The following PPFIBP2 variants were observed in gnomAD, a reference collection of about 807,000 sequenced individuals.
PPFIBP2 encodes liprin-beta-2.
Under a neutral mutation model 118.3 loss-of-function variants are expected in PPFIBP2, and 118 were observed. The ratio of observed to expected loss-of-function variants is 1.00; its 90% CI spans 0.86 to 1.16. The LOEUF (loss-of-function observed/expected upper bound fraction) is 1.16, where lower values mean the gene tolerates loss of function less well. PPFIBP2 is among the 50% of genes most tolerant of loss of function. The pLI is 0.00. For synonymous variants in PPFIBP2, 414 were observed against 397.4 expected (o/e 1.04, Z -0.50); for missense variants, 1,195 against 1,073.1 (o/e 1.11, Z -1.59).
intron 6 of PPFIBP2, among the ~76,000 whole-genome samples, chr11:7,619,976 C>T (rs1025866846): frequency 3.9e-5 from 6 of 152,190 alleles, no homozygotes; most frequent in African/African-American, 1.4e-4. Context: ...CTGATGGGAG[C>T]TAGTCAGCAG....
intron 5 of PPFIBP2, among the ~76,000 whole-genome samples, chr11:7,608,115 C>T (rs938867326): frequency 1.3e-5 from 2 of 152,132 alleles, no homozygotes; most frequent in African/African-American, 4.8e-5. Context: ...TGCTTAAGGC[C>T]CTTTGTGGCC....
rs750300048 is a variant in PPFIBP2 at position 7,650,976 on chromosome 11, C to T, written c.2247+11C>T. 4 of 1,611,528 alleles carry T rather than the reference C, an allele frequency of 2.5e-6. No homozygotes were observed. In the South Asian group the frequency reaches 4.4e-5, roughly 18 times the overall value. On this transcript the variant is annotated intron_variant, in intron 22 of 23. Coordinates refer to ENST00000299492, the MANE Select transcript of PPFIBP2 (RefSeq NM_003621.5). ...CATGGAGGCCTCATTGTGAGTGGCTCTCTGGCCTAGCCCACCTGCCTTGGT... is the reference window on the plus strand; with the variant it reads ...CATGGAGGCCTCATTGTGAGTGGCTTTCTGGCCTAGCCCACCTGCCTTGGT...
intron 14 of PPFIBP2, 37 bp from the exon 15 acceptor site, chr11:7,639,695 A>G (rs1362552975): frequency 6.2e-7 from 1 of 1,612,938 alleles, no homozygotes; most frequent in East Asian, 2.2e-5. Flanking sequence ...GCTGACAGTT[A>G]AGTCGGTATC....
chr11:7,528,247 T>A (rs1850392226), intron 1 of PPFIBP2, among the ~76,000 whole-genome samples: 1 of 152,184 alleles, frequency 6.6e-6, no homozygotes, highest in Admixed American at 6.5e-5. Flanking sequence ...CATGGCCAGA[T>A]AGTCACAAAG....
intron 3 of PPFIBP2, among the ~76,000 whole-genome samples, chr11:7,591,819 G>A (rs1195960555): frequency 6.6e-6 from 1 of 152,212 alleles, no homozygotes; most frequent in Admixed American, 6.5e-5. Flanking sequence ...TTTGAATGCG[G>A]TATGCTTGGT....
chr11:7,547,797 C>T (rs1852492752), intron 1 of PPFIBP2, among the ~76,000 whole-genome samples: 1 of 152,192 alleles, frequency 6.6e-6, no homozygotes, highest in Admixed American at 6.5e-5. Context: ...ACCCCCGAGG[C>T]TGAATGCCTG....
intron 1 of PPFIBP2, among the ~76,000 whole-genome samples, chr11:7,515,196 C>A (rs1415307736): frequency 6.6e-6 from 1 of 152,176 alleles, no homozygotes; most frequent in Admixed American, 6.5e-5. Context: ...TGCTTAAATT[C>A]ATAGCTAAAT....
the PPFIBP2 span, chr11:7,667,180 T>C: frequency 6.6e-6 from 1 of 152,210 alleles, no homozygotes; most frequent in African/African-American, 2.4e-5. Context: ...TAATCAAGCG[T>C]AGGCACAATT....
the PPFIBP2 span, among the ~76,000 whole-genome samples, chr11:7,662,404 T>A: frequency 1.3e-5 from 2 of 152,164 alleles, no homozygotes; most frequent in Non-Finnish European, 2.9e-5. Flanking sequence ...CCTTCACTTA[T>A]GAAGCTTAGT....
chr11:7,590,011 T>G (rs901248465), intron 3 of PPFIBP2, among the ~76,000 whole-genome samples: 12 of 152,242 alleles, frequency 7.9e-5, no homozygotes, highest in Non-Finnish European at 1.6e-4. Flanking sequence ...ATGTAGTCAT[T>G]TTATAATGCA....
rs1429471757 is a variant in PPFIBP2, at chr11:7,648,854, G to GCCATCAACA, written c.1856_1864dup (p.Ile619_Thr621dup). On this transcript the variant is annotated inframe_insertion, in exon 19 of 24. Transcript: ENST00000299492. ...GAAGAAGCTTGTTTTAGCAGTGAAA[G>GCCATCAACA]CCATCAACACCAAACAGGAGGAGAA... is the stretch of plus-strand genomic sequence containing the variant. The GCCATCAACA allele has an allele frequency of 3.1e-6, 5 of 1,614,054 alleles. No individual in the cohort carries two copies. In the Admixed American group the frequency reaches 8.3e-5, roughly 27 times the overall value.
chr11:7,666,076 G>C, the PPFIBP2 span: 2 of 664,782 alleles, frequency 3.0e-6, no homozygotes, highest in South Asian at 3.4e-5. Context: ...GAGGTGGGCG[G>C]TAAGGGGTGT....
At position 7,641,488 on chromosome 11, in the gene PPFIBP2, A is replaced by C. The variant is rs767453978; in HGVS notation, c.1385A>C (p.Glu462Ala). 3.7e-6 allele frequency: 6 copies of C among 1,614,012 alleles called. No individual in the cohort carries two copies. The Admixed American group carries it at 1.0e-4, about 27-fold the overall frequency. The change falls in exon 16 of 24, where the codon GAA becomes GCA. Residue 462 changes from glutamate to alanine, a missense_variant. Coordinates refer to ENST00000299492, the MANE Select transcript of PPFIBP2 (RefSeq NM_003621.5). ...GSSLLRLRDT[E>A]SGWDDTAVVN... ...CTTCTTCCAATCTCAGGAGACACAG[A>C]AAGTGGCTGGGACGACACTGCTGTG... is the stretch of plus-strand genomic sequence containing the variant.
chr11:7,632,520 C>G (rs35455431), intron 11 of PPFIBP2: 17,821 of 178,566 alleles, frequency 0.1, 1,168 homozygotes, highest in Non-Finnish European at 0.14. Context: ...TTAAAAGAGT[C>G]TGCAGTGGCT....
chr11:7,653,254 C>G lies in PPFIBP2; in HGVS notation c.*36C>G, dbSNP rs770282827. 1.2e-6 allele frequency: 2 copies of G among 1,612,786 alleles called. No homozygotes were observed. The highest frequency in any genetic ancestry group is 2.2e-5 in the East Asian group (1 of 44,874). On this transcript the variant is annotated 3_prime_UTR_variant, in exon 24 of 24. Coordinates refer to ENST00000299492, the MANE Select transcript of PPFIBP2 (RefSeq NM_003621.5). ...ACCTGCCCTCTGTGCACCCTGAGAG[C>G]TCACAGTAACACTGTGTGTGTCACC...
In PPFIBP2 at chr11:7,642,357, G is replaced by A. The variant is rs147957918; in HGVS notation, c.1577G>A (p.Arg526Gln). 3.5e-5 allele frequency: 57 copies of A among 1,614,120 alleles called. No individual in the cohort carries two copies. In the Middle Eastern group the frequency reaches 6.6e-4, roughly 19 times the overall value. ...YTDTLGMAEFRRGGLRATAGP... is the reference protein window; with the variant it reads ...YTDTLGMAEFQRGGLRATAGP... ...GACACGCTGGGGATGGCAGAGTTTCGACGAGGTGGGCTCCGGGCAACCGCA... is the reference window on the plus strand; with the variant it reads ...GACACGCTGGGGATGGCAGAGTTTCAACGAGGTGGGCTCCGGGCAACCGCA... Residue 526 changes from arginine (R) to glutamine (Q), a missense_variant, in exon 17 of 24, where the codon CGA becomes CAA. Physicochemically the swap from Arg to Gln is conservative, Grantham distance 43. Coordinates refer to ENST00000299492, the MANE Select transcript of PPFIBP2 (RefSeq NM_003621.5).
intron 2 of PPFIBP2, among the ~76,000 whole-genome samples, chr11:7,559,040 G>A (rs767649241): frequency 2.6e-5 from 4 of 151,914 alleles, no homozygotes; most frequent in Non-Finnish European, 4.4e-5. Context: ...CCTGGAGGAG[G>A]GCCCAGGCAT....
chr11:7,594,903 C>T (rs1353623256), intron 4 of PPFIBP2, among the ~76,000 whole-genome samples: 2 of 121,506 alleles, frequency 1.6e-5, no homozygotes, highest in Non-Finnish European at 1.6e-5. Flanking sequence ...GGCAACAGAG[C>T]GAGACTCCAT....
chr11:7,647,680 T>C (rs1853312059), intron 17 of PPFIBP2, among the ~76,000 whole-genome samples: 1 of 152,238 alleles, frequency 6.6e-6, no homozygotes, highest in Non-Finnish European at 1.5e-5. Flanking sequence ...GTGTATTTCG[T>C]AAGTGGCCAC....
Sources: allele counts gnomAD v4.1 joint callset (sites outside exome capture counted in the v4.1 genomes callset), GRCh38; gene constraint gnomAD v4.1.1; transcripts MANE v1.5; gene names NCBI Gene and HGNC (gene_info 2026-07-23, HGNC 2026-07-21).